The following CD93 variants were observed in gnomAD, a reference collection of about 807,000 sequenced individuals.
CD93 encodes CD93 molecule.
In CD93, 44 loss-of-function variants were observed where a neutral mutation model predicts 45.5. That is an observed-to-expected ratio of 0.97 (90% CI 0.76 to 1.24). CD93 has a LOEUF of 1.24. Among genes scored for constraint, CD93 ranks in the 50% most tolerant of loss-of-function variants. The pLI, the probability that CD93 is intolerant of heterozygous loss-of-function variation, is 0.00. For synonymous variants in CD93, 431 were observed against 370.8 expected, an observed-to-expected ratio of 1.16 and a Z score of -1.87; for missense variants, 918 against 844.5, an observed-to-expected ratio of 1.09 and a Z score of -1.08.
chr20:23,086,049 C>T lies in CD93; in HGVS notation c.144G>A (p.Glu48=), dbSNP rs1308002083. 4 of 1,606,946 alleles carry T rather than the reference C, an allele frequency of 2.5e-6. No individual in the cohort carries two copies. The highest frequency in any genetic ancestry group is 1.1e-5 in the South Asian group (1 of 90,480). The part of the protein sequence containing the change: ...TAHSGKLSAA[E]AQNHCNQNGG... ...CGTTCTGGTTGCAGTGGTTCTGGGCCTCGGCAGCGCTCAGCTTGCCCGAGT... is the reference window on the plus strand; with the variant it reads ...CGTTCTGGTTGCAGTGGTTCTGGGCTTCGGCAGCGCTCAGCTTGCCCGAGT... The change falls in exon 1 of 2, where the codon GAG becomes GAA. Residue 48 remains glutamate (E), a synonymous_variant. Transcript: ENST00000246006.
Position 23,080,780 on chromosome 20 carries a change from A to T in CD93, c.*3170T>A, listed in dbSNP as rs1985303381. 6.6e-6 allele frequency: 1 copy of T among 152,260 alleles called. No individual in the cohort carries two copies. Among genetic ancestry groups the T allele is most frequent in the South Asian group, 2.1e-4 (1 of 4,832 alleles). The allele number at this position is 152,260 out of a possible 1,614,324, so 9.4% of individuals were successfully genotyped here. A position where few individuals can be genotyped will look rare whatever the true frequency, so the allele number is the denominator to read the frequency against. On this transcript the variant is annotated 3_prime_UTR_variant, in exon 2 of 2. Coordinates refer to ENST00000246006, the MANE Select transcript of CD93 (RefSeq NM_012072.4). ...GTGTGGGCCACCGAAGGCAGAGACC[A>T]GATGTGGTTGGTCTTGCCTGGAAGC...
Position 23,085,064 on chromosome 20 carries a change from C to A in CD93, c.1129G>T (p.Gly377Cys). ...CECWVGYEPGGPGEGACQDVD... is the reference protein window; with the variant it reads ...CECWVGYEPGCPGEGACQDVD... The stretch of plus-strand genomic sequence containing the variant: ...TCCTGACAGGCCCCCTCTCCAGGAC[C>A]GCCCGGCTCATAGCCAACCCAGCAT... The change falls in exon 1 of 2, where the codon GGT becomes TGT. Residue 377 changes from glycine to cysteine, a missense_variant. Gly to Cys is a radical substitution (Grantham distance 159). Coordinates refer to ENST00000246006, the MANE Select transcript of CD93 (RefSeq NM_012072.4). 2 of 1,613,086 alleles carry A rather than the reference C, an allele frequency of 1.2e-6. No individual in the cohort carries two copies. The highest frequency in any genetic ancestry group is 1.7e-5 in the Admixed American group (1 of 59,918).
chr20:23,083,825 T>TA lies in CD93; in HGVS notation c.*124dup, dbSNP rs1213036404. On this transcript the variant is annotated 3_prime_UTR_variant, in exon 2 of 2. Transcript: ENST00000246006. ...CCAAGGGGCCTTTAAGGAGGAGACT[T>TA]ACAATTGTTTGCTAAGATTCCAGTC... 1.0e-5 allele frequency: 9 copies of TA among 890,224 alleles called. No homozygotes were observed. The highest frequency in any genetic ancestry group is 2.6e-5 in the South Asian group (2 of 75,538). 55.1% of individuals were successfully genotyped at this position (890,224 alleles called of 1,614,324 possible). A position where few individuals can be genotyped will look rare whatever the true frequency, so the allele number is the denominator to read the frequency against.
In CD93 at chr20:23,079,876, A is replaced by G. The variant is rs1985279778; in HGVS notation, c.*4074T>C. The G allele has an allele frequency of 6.6e-6, 1 of 151,832 alleles. No homozygotes were observed. The highest frequency in any genetic ancestry group is 2.4e-5 in the African/African-American group (1 of 41,320). The allele number at this position is 151,832 out of a possible 1,614,324, so 9.4% of individuals were successfully genotyped here. On this transcript the variant is annotated 3_prime_UTR_variant, in exon 2 of 2. Transcript: ENST00000246006. ...AGACCAAAACACAATTTATTTTTAA[A>G]CAAGCCCTTCAGTGAGTATTTGTCT...
chr20:23,086,215 G>A lies in CD93; in HGVS notation c.-23C>T, dbSNP rs1985497625. 3 of 1,488,918 alleles carry A rather than the reference G, an allele frequency of 2.0e-6. No homozygotes were observed. The East Asian group carries it at 7.4e-5, about 37-fold the overall frequency. The allele number at this position is 1,488,918 out of a possible 1,614,324, so 92.2% of individuals were successfully genotyped here. ...CATCCCGGTCTCTGTGTGGCCCTCT[G>A]CGGGAGGCGAGAAGCCCAGCGGCGA... On this transcript the variant is annotated 5_prime_UTR_variant, in exon 1 of 2. Transcript: ENST00000246006.
Position 23,084,934 on chromosome 20 carries a change from TC to T in CD93, c.1258del (p.Glu420ArgfsTer168). The T allele has an allele frequency of 6.2e-7, 1 of 1,613,316 alleles. No homozygotes were observed. The highest frequency in any genetic ancestry group is 8.5e-7 in the Non-Finnish European group (1 of 1,179,938). On this transcript the variant is annotated frameshift_variant, in exon 1 of 2. Coordinates refer to ENST00000246006, the MANE Select transcript of CD93 (RefSeq NM_012072.4). LOFTEE classifies it high-confidence loss of function. The stretch of plus-strand genomic sequence containing the variant: ...CACGTCCTGGCACTGAGTCCCGTCC[TC>T]CCCGGCCAGGACGTAGCCCTCCTCA... ...SCEEGYVLAG[E>X]DGTQCQDVDE...
rs920640843 is a variant in CD93 at position 23,085,727 on chromosome 20, G to T, written c.466C>A (p.Arg156Ser). Residue 156 changes from arginine to serine, a missense_variant, in exon 1 of 2, where the codon CGC becomes AGC. Arg to Ser is a moderately radical substitution (Grantham distance 110, BLOSUM62 -1). Coordinates refer to ENST00000246006, the MANE Select transcript of CD93 (RefSeq NM_012072.4). ...LDLSQPLLPS[R>S]LPKWSEGPCG... Reference sequence around the variant, plus strand: ...GGGCCCTCAGACCACTTGGGGAGGCGGCTGGGAAGGAGCGGCTGGGACAGG... The same window carrying T: ...GGGCCCTCAGACCACTTGGGGAGGCTGCTGGGAAGGAGCGGCTGGGACAGG... 1.2e-6 allele frequency: 2 copies of T among 1,611,250 alleles called. No homozygotes were observed. The highest frequency in any genetic ancestry group is 1.7e-6 in the Non-Finnish European group (2 of 1,179,930).
chr20:23,084,720 C>A lies in CD93; in HGVS notation c.1473G>T (p.Gly491=). 1 of 1,598,810 alleles carries A rather than the reference C, an allele frequency of 6.3e-7. No individual in the cohort carries two copies. Among genetic ancestry groups the A allele is most frequent in the Non-Finnish European group, 8.5e-7 (1 of 1,173,332 alleles). ...CTGTTGCAGCACGGGGCACGGTGCT[C>A]CCTTCTTTCTCTCCTTTGTCCTCCT... The part of the protein sequence containing the change: ...PDEEDKGEKE[G]STVPRAATAS... The change falls in exon 1 of 2, where the codon GGG becomes GGT. Residue 491 remains glycine (G), a synonymous_variant. Transcript: ENST00000246006.
Position 23,082,814 on chromosome 20 carries a change from G to A in CD93, c.*1136C>T, listed in dbSNP as rs1030789069. The A allele has an allele frequency of 6.6e-6, 1 of 152,586 alleles. No homozygotes were observed. Among genetic ancestry groups the A allele is most frequent in the Admixed American group, 6.5e-5 (1 of 15,280 alleles). The allele number at this position is 152,586 out of a possible 1,614,324, so 9.5% of individuals were successfully genotyped here. Reference sequence around the variant, plus strand: ...CTGCCTGACTAGCTCCCTACTTGGTGTGTGCGCCACCCACACTTCAGGATT... The same window carrying A: ...CTGCCTGACTAGCTCCCTACTTGGTATGTGCGCCACCCACACTTCAGGATT... On this transcript the variant is annotated 3_prime_UTR_variant, in exon 2 of 2. Transcript: ENST00000246006.
rs1170618617 is a variant in CD93 at position 23,082,553 on chromosome 20, G to A, written c.*1397C>T. On this transcript the variant is annotated 3_prime_UTR_variant, in exon 2 of 2. Transcript: ENST00000246006. ...CGTGTCTCTGTGTGTGTGTGTGTGT[G>A]TGTGTGTGTGTGTGTGAGAGAGAGA... The A allele has an allele frequency of 6.6e-6, 1 of 152,040 alleles. No homozygotes were observed. Among genetic ancestry groups the A allele is most frequent in the Non-Finnish European group, 1.5e-5 (1 of 68,166 alleles). 9.4% of individuals were successfully genotyped at this position (152,040 alleles called of 1,614,324 possible).
Position 23,083,241 on chromosome 20 carries a change from G to A in CD93, c.*709C>T, listed in dbSNP as rs986061241. On this transcript the variant is annotated 3_prime_UTR_variant, in exon 2 of 2. Transcript: ENST00000246006. ...ATGTGACTTCACAAACACCTGTAAT[G>A]CACTTCAAGCAACTTTTCTCATATT... The A allele has an allele frequency of 1.3e-5, 2 of 152,294 alleles. No homozygotes were observed. Among genetic ancestry groups the A allele is most frequent in the African/African-American group, 4.8e-5 (2 of 41,422 alleles). 9.4% of individuals were successfully genotyped at this position (152,294 alleles called of 1,614,324 possible).
rs1197503006 is a variant in CD93 at position 23,083,481 on chromosome 20, A to G, written c.*469T>C. Reference sequence around the variant, plus strand: ...GTCCGAACATGTTCCCTTTGACCAAAAAACCAGATCTTCTTACCTAATTGA... The same window carrying G: ...GTCCGAACATGTTCCCTTTGACCAAGAAACCAGATCTTCTTACCTAATTGA... On this transcript the variant is annotated 3_prime_UTR_variant, in exon 2 of 2. Transcript: ENST00000246006. 3 of 161,080 alleles carry G rather than the reference A, an allele frequency of 1.9e-5. No homozygotes were observed. Among genetic ancestry groups the G allele is most frequent in the African/African-American group, 7.2e-5 (3 of 41,684 alleles). 10.0% of individuals were successfully genotyped at this position (161,080 alleles called of 1,614,324 possible). A position where few individuals can be genotyped will look rare whatever the true frequency, so the allele number is the denominator to read the frequency against.
chr20:23,085,627 C>T lies in CD93; in HGVS notation c.566G>A (p.Arg189Gln). Residue 189 changes from arginine (R) to glutamine (Q), a missense_variant, in exon 1 of 2, where the codon CGG (arginine) becomes CAG (glutamine). Coordinates refer to ENST00000246006, the MANE Select transcript of CD93 (RefSeq NM_012072.4). ...VCKFSFKGMC[R>Q]PLALGGPGQV... ...ACCTGGGCCCCCCAGGGCCAGAGGC[C>T]GGCACATGCCTTTGAAGCTGAACTT... 3 of 1,612,780 alleles carry T rather than the reference C, an allele frequency of 1.9e-6. No individual in the cohort carries two copies. The highest frequency in any genetic ancestry group is 2.5e-6 in the Non-Finnish European group (3 of 1,179,754).
Position 23,084,340 on chromosome 20 carries a change from T to G in CD93, c.1853A>C (p.Glu618Ala). 6.2e-7 allele frequency: 1 copy of G among 1,614,238 alleles called. No individual in the cohort carries two copies. Among genetic ancestry groups the G allele is most frequent in the Non-Finnish European group, 8.5e-7 (1 of 1,180,042 alleles). Reference protein sequence around the residue: ...KRRAKREEKKEKKPQNAADSY... With the variant: ...KRRAKREEKKAKKPQNAADSY... ...GTCTGCCGCATTCTGGGGCTTCTTC[T>G]CCTTCTTCTCCTCCCTCTTCGCTCT... Residue 618 changes from glutamate to alanine, a missense_variant, in exon 1 of 2, where the codon GAG becomes GCG. Transcript: ENST00000246006.
rs1399603914 is a variant in CD93, at chr20:23,086,276, A to G, written c.-84T>C. ...TATCTCGGCTCCCAGCTGGGCCCCAAGGGGAGCTGAGGGGTGAGCTGCAGC... is the reference window on the plus strand; with the variant it reads ...TATCTCGGCTCCCAGCTGGGCCCCAGGGGGAGCTGAGGGGTGAGCTGCAGC... On this transcript the variant is annotated 5_prime_UTR_variant, in exon 1 of 2. Coordinates refer to ENST00000246006, the MANE Select transcript of CD93 (RefSeq NM_012072.4). The G allele has an allele frequency of 2.1e-6, 3 of 1,418,924 alleles. No homozygotes were observed. Among genetic ancestry groups the G allele is most frequent in the Non-Finnish European group, 1.8e-6 (2 of 1,082,548 alleles). The allele number at this position is 1,418,924 out of a possible 1,614,324, so 87.9% of individuals were successfully genotyped here.
rs1985267036 is a variant in CD93, at chr20:23,079,416, G to C, written c.*4534C>G. ...AACAGAAAGCTCAAAGGACAACAAA[G>C]CTGCACCTTCCTAAAGGCTGACCCT... On this transcript the variant is annotated 3_prime_UTR_variant, in exon 2 of 2. Transcript: ENST00000246006. 1 of 152,186 alleles carries C rather than the reference G, an allele frequency of 6.6e-6. No individual in the cohort carries two copies. 9.4% of individuals were successfully genotyped at this position (152,186 alleles called of 1,614,324 possible).
rs976275762 is a variant in CD93 at position 23,082,320 on chromosome 20, A to T, written c.*1630T>A. The T allele has an allele frequency of 1.3e-5, 2 of 152,198 alleles. No individual in the cohort carries two copies. Among genetic ancestry groups the T allele is most frequent in the Non-Finnish European group, 2.9e-5 (2 of 68,056 alleles). The allele number at this position is 152,198 out of a possible 1,614,324, so 9.4% of individuals were successfully genotyped here. The stretch of plus-strand genomic sequence containing the variant: ...AGAGTGTCACCTCAGAGACCGATGC[A>T]TTGCTAAGGCAAAACCAGAAACACC... On this transcript the variant is annotated 3_prime_UTR_variant, in exon 2 of 2. Transcript: ENST00000246006.
At position 23,079,716 on chromosome 20, in the gene CD93, A is replaced by G. The variant is rs1441049110; in HGVS notation, c.*4234T>C. ...TCAAGCTTAAGCCAAATCTATGCAA[A>G]GAACTTCAGCTCAGAGGAATAGTGG... On this transcript the variant is annotated 3_prime_UTR_variant, in exon 2 of 2. Coordinates refer to ENST00000246006, the MANE Select transcript of CD93 (RefSeq NM_012072.4). 2 of 152,202 alleles carry G rather than the reference A, an allele frequency of 1.3e-5. No individual in the cohort carries two copies. The highest frequency in any genetic ancestry group is 2.9e-5 in the Non-Finnish European group (2 of 68,036). The allele number at this position is 152,202 out of a possible 1,614,324, so 9.4% of individuals were successfully genotyped here.
Position 23,084,904 on chromosome 20 carries a change from T to C in CD93, c.1289A>G (p.Glu430Gly), listed in dbSNP as rs1985436321. 6.2e-7 allele frequency: 1 copy of C among 1,613,010 alleles called. No individual in the cohort carries two copies. The highest frequency in any genetic ancestry group is 8.5e-7 in the Non-Finnish European group (1 of 1,179,832). ...EDGTQCQDVD[E>G]CVGPGGPLCD... ...GAGGGGGCCCCCCGGGCCCACACAC[T>C]CATCCACGTCCTGGCACTGAGTCCC... is the stretch of plus-strand genomic sequence containing the variant. The change falls in exon 1 of 2, where the codon GAG becomes GGG. Residue 430 changes from glutamate (E) to glycine (G), a missense_variant. Transcript: ENST00000246006.
Sources: allele counts gnomAD v4.1 joint callset, GRCh38; gene constraint gnomAD v4.1.1; transcripts MANE v1.5; gene names NCBI Gene and HGNC (gene_info 2026-07-23, HGNC 2026-07-21).